The following LRRC17 variants were observed in gnomAD, a reference collection of about 807,000 sequenced individuals.
LRRC17 encodes the protein leucine rich repeat containing 17.
LRRC17 carries 33 observed loss-of-function variants against 41.5 expected under a neutral mutation model. The ratio of observed to expected loss-of-function variants is 0.80; its 90% confidence interval spans 0.60 to 1.06. LRRC17 has a LOEUF of 1.06. LRRC17 is among the 50% of genes least tolerant of loss of function. The pLI, the probability that LRRC17 is intolerant of heterozygous loss-of-function variation, is 0.00. For missense variants in LRRC17, 491 were observed against 519.3 expected, an observed-to-expected ratio of 0.95 and a Z score of 0.53; for synonymous variants, 192 against 197.0, an observed-to-expected ratio of 0.97 and a Z score of 0.21.
chr7:102,932,065 T>C, intron 1 of LRRC17: 3 of 749,458 alleles, frequency 4.0e-6, no homozygotes, highest in Non-Finnish European at 6.2e-6. Flanking sequence ...ATGTTCTAAG[T>C]ATATGGTTTC....
intron 1 of LRRC17, among the ~76,000 whole-genome samples, chr7:102,914,676 C>T (rs1458996216): frequency 1.3e-5 from 2 of 152,160 alleles, no homozygotes; most frequent in East Asian, 1.9e-4. Flanking sequence ...ACACACATCC[C>T]GATCTGGGAA....
intron 2 of LRRC17, 152 bp downstream of exon 2, chr7:102,934,837 T>C (rs1326083068): frequency 1.3e-6 from 1 of 746,272 alleles, no homozygotes; most frequent in Non-Finnish European, 2.1e-6. Context: ...TACCACAAGT[T>C]TTTCTGGGGT....
intron 1 of LRRC17, among the ~76,000 whole-genome samples, chr7:102,923,550 C>T (rs559160291): frequency 5.2e-4 from 79 of 152,252 alleles, no homozygotes; most frequent in African/African-American, 1.8e-3. Context: ...AGGCCGGGCG[C>T]GGTGGCTCAC....
intron 1 of LRRC17, among the ~76,000 whole-genome samples, chr7:102,930,281 T>A (rs1428700380): frequency 6.6e-6 from 1 of 152,164 alleles, no homozygotes; most frequent in Non-Finnish European, 1.5e-5. Flanking sequence ...ATGATTGGCA[T>A]TCCACAGCCA....
At chr7:102,943,939 G>A (rs1032101578) in intron 3 of LRRC17, among the ~76,000 whole-genome samples, 3 of 152,178 alleles carry the variant, frequency 2.0e-5, no homozygotes, top group African/African-American at 7.2e-5. Context: ...GCTGGGAGAT[G>A]TCCTTGGAAA....
chr7:102,936,334 A>G (rs1249878864), intron 2 of LRRC17: 1 of 152,206 alleles, frequency 6.6e-6, no homozygotes, highest in Non-Finnish European at 1.5e-5. Flanking sequence ...TAAGTAGCAA[A>G]GCTAAGAAGT....
intron 1 of LRRC17, among the ~76,000 whole-genome samples, chr7:102,917,380 C>A (rs1047484144): frequency 3.9e-5 from 6 of 152,200 alleles, no homozygotes; most frequent in African/African-American, 1.4e-4. Context: ...GAGCAAAGAT[C>A]ATAATAGCTT....
chr7:102,916,135 C>G (rs1482429779), intron 1 of LRRC17, among the ~76,000 whole-genome samples: 4 of 152,114 alleles, frequency 2.6e-5, no homozygotes, highest in Non-Finnish European at 4.4e-5. Flanking sequence ...AGGCACCCAC[C>G]ACGACGCCTG....
At chr7:102,925,754 C>T (rs542391216) in intron 1 of LRRC17, among the ~76,000 whole-genome samples, 153 of 152,142 alleles carry the variant, frequency 1.0e-3, no homozygotes, top group African/African-American at 3.5e-3. Flanking sequence ...CCAGCCTGAC[C>T]AACATGGAGA....
At chr7:102,914,143 C>T (rs1159383205) in intron 1 of LRRC17, among the ~76,000 whole-genome samples, 2 of 152,164 alleles carry the variant, frequency 1.3e-5, no homozygotes, top group Admixed American at 6.5e-5. Context: ...TCACTGCAAC[C>T]TCCTCCCCAC....
In LRRC17 at chr7:102,944,386, T is replaced by C; in HGVS notation, c.1105T>C (p.Tyr369His). 3 of 1,614,068 alleles carry C rather than the reference T, an allele frequency of 1.9e-6. No homozygotes were observed. The highest frequency in any genetic ancestry group is 2.5e-6 in the Non-Finnish European group (3 of 1,179,956). ...CCTCTACTACTGGTTAAAGCACCAC[T>C]ACAATGTCCATTTTAATGGCCTGGA... ...HYLYYWLKHH[Y>H]NVHFNGLECK... Residue 369 changes from tyrosine to histidine, a missense_variant, in exon 4 of 4, where the codon TAC (tyrosine) becomes CAC (histidine). Transcript: ENST00000339431.
At chr7:102,917,867 G>A in intron 1 of LRRC17, among the ~76,000 whole-genome samples, 1 of 152,116 alleles carries the variant, frequency 6.6e-6, no homozygotes, top group East Asian at 1.9e-4. Context: ...AATAGAAAGT[G>A]TTTAGTTCCG....
chr7:102,934,563 A>G lies in LRRC17; in HGVS notation c.650A>G (p.Lys217Arg). 6.2e-7 allele frequency: 1 copy of G among 1,614,048 alleles called. No homozygotes were observed. The highest frequency in any genetic ancestry group is 8.5e-7 in the Non-Finnish European group (1 of 1,179,966). ...GAACAGTTGTGTAATGAAGAAGAAAAGGAACAATTGGACCCGAAACCCCAA... is the reference window on the plus strand; with the variant it reads ...GAACAGTTGTGTAATGAAGAAGAAAGGGAACAATTGGACCCGAAACCCCAA... ...KSEQLCNEEEKEQLDPKPQVS... is the reference protein window; with the variant it reads ...KSEQLCNEEEREQLDPKPQVS... Residue 217 changes from lysine to arginine, a missense_variant, in exon 2 of 4, where the codon AAG (lysine) becomes AGG (arginine). Transcript: ENST00000339431.
At chr7:102,918,589 G>C (rs1816366063) in intron 1 of LRRC17, among the ~76,000 whole-genome samples, 1 of 152,208 alleles carries the variant, frequency 6.6e-6, no homozygotes, top group South Asian at 2.1e-4. Flanking sequence ...GCTGAAGCAA[G>C]AGGATTGCCT....
At position 102,939,539 on chromosome 7, in the gene LRRC17, G is replaced by A; in HGVS notation, c.882G>A (p.Leu294=). The change falls in exon 3 of 4, where the codon CTG becomes CTA. Residue 294 remains leucine, a synonymous_variant. Coordinates refer to ENST00000339431, the MANE Select transcript of LRRC17 (RefSeq NM_001031692.3). ...AGGAATTTGAAGATGTTCATGAGCTGAAGAAATTAAACCTCAGCAGCAATG... is the reference window on the plus strand; with the variant it reads ...AGGAATTTGAAGATGTTCATGAGCTAAAGAAATTAAACCTCAGCAGCAATG... ...RPKEFEDVHE[L]KKLNLSSNGI... 2 of 1,613,990 alleles carry A rather than the reference G, an allele frequency of 1.2e-6. No homozygotes were observed. The highest frequency in any genetic ancestry group is 4.5e-5 in the East Asian group (2 of 44,868).
chr7:102,942,338 C>A, intron 3 of LRRC17: 1 of 1,588,324 alleles, frequency 6.3e-7, no homozygotes, highest in Non-Finnish European at 8.6e-7. Flanking sequence ...ATGATTTTTG[C>A]TGTGGTAAGT....
rs759928556 is a variant in LRRC17 at position 102,934,388 on chromosome 7, C to A, written c.475C>A (p.Arg159Ser). Residue 159 changes from arginine to serine, a missense_variant, in exon 2 of 4, where the codon CGT becomes AGT. Physicochemically the swap from Arg to Ser is moderately radical, Grantham distance 110. Coordinates refer to ENST00000339431, the MANE Select transcript of LRRC17 (RefSeq NM_001031692.3). ...TTACACACCTCTCTTGAGCTACCTGCGTCTTTATGACAACCCCTGGCACTG... is the reference window on the plus strand; with the variant it reads ...TTACACACCTCTCTTGAGCTACCTGAGTCTTTATGACAACCCCTGGCACTG... ...FIYTPLLSYLRLYDNPWHCTC... is the reference protein window; with the variant it reads ...FIYTPLLSYLSLYDNPWHCTC... 1 of 1,614,158 alleles carries A rather than the reference C, an allele frequency of 6.2e-7. No individual in the cohort carries two copies. The highest frequency in any genetic ancestry group is 1.7e-5 in the Admixed American group (1 of 60,024).
Position 102,934,194 on chromosome 7 carries a change from G to T in LRRC17, c.281G>T (p.Arg94Leu). Residue 94 changes from arginine to leucine, a missense_variant, in exon 2 of 4, where the codon CGC becomes CTC. Transcript: ENST00000339431. Reference protein sequence around the residue: ...LHMLLARNKIRTLKNNMFSKF... With the variant: ...LHMLLARNKILTLKNNMFSKF... ...ATGCTGCTAGCAAGAAACAAGATCC[G>T]CACATTGAAGAACAACATGTTTTCC... 6.2e-7 allele frequency: 1 copy of T among 1,614,184 alleles called. No homozygotes were observed. The highest frequency in any genetic ancestry group is 2.2e-5 in the East Asian group (1 of 44,886).
At chr7:102,918,702 G>A (rs143647359) in intron 1 of LRRC17, among the ~76,000 whole-genome samples, 31 of 152,256 alleles carry the variant, frequency 2.0e-4, no homozygotes, top group African/African-American at 7.5e-4. Context: ...TGAGGCTGCA[G>A]TGAGCTATCA....
Sources: allele counts gnomAD v4.1 joint callset (sites outside exome capture counted in the v4.1 genomes callset), GRCh38; gene constraint gnomAD v4.1.1; transcripts MANE v1.5; gene names NCBI Gene and HGNC (gene_info 2026-07-23, HGNC 2026-07-21).